Variants in GALNTL6 observed in about 807,000 individuals in gnomAD.
GALNTL6 encodes polypeptide N-acetylgalactosaminyltransferase-like 6.
Under a neutral mutation model 73.7 loss-of-function variants are expected in GALNTL6, and 46 were observed. The observed-to-expected ratio is 0.62, with a 90% CI of 0.49 to 0.80. The LOEUF is 0.80. GALNTL6 is among the 30% of genes least tolerant of loss of function. GALNTL6 has a pLI of 0.00. For missense variants in GALNTL6, 604 were observed against 755.0 expected (o/e 0.80, Z 2.34); for synonymous variants, 259 against 263.7 (o/e 0.98, Z 0.17).
intron 2 of GALNTL6, among the ~76,000 whole-genome samples, chr4:171,903,800 A>G (rs1291729870): frequency 6.6e-6 from 1 of 152,036 alleles, no homozygotes; most frequent in African/African-American, 2.4e-5. Flanking sequence ...GAGATCTGAG[A>G]ACGGGCAGAC....
chr4:172,102,058 A>C (rs988781833), intron 2 of GALNTL6, among the ~76,000 whole-genome samples: 11 of 152,282 alleles, frequency 7.2e-5, no homozygotes, highest in Middle Eastern at 3.4e-3. Flanking sequence ...AAGGTGAAAA[A>C]AAGTCCTGAC....
At chr4:172,193,439 G>A (rs1446641923) in intron 2 of GALNTL6, among the ~76,000 whole-genome samples, 1 of 152,118 alleles carries the variant, frequency 6.6e-6, no homozygotes, top group Non-Finnish European at 1.5e-5. Context: ...TGGCAAAGAA[G>A]GGCCTTACTG....
intron 8 of GALNTL6, among the ~76,000 whole-genome samples, chr4:172,918,212 G>C (rs1344574212): frequency 1.3e-5 from 2 of 152,004 alleles, no homozygotes; most frequent in Non-Finnish European, 2.9e-5. Flanking sequence ...ACACAGAGTG[G>C]GGAACATCAC....
intron 7 of GALNTL6, among the ~76,000 whole-genome samples, chr4:172,877,710 A>G (rs1579599268): frequency 6.6e-6 from 1 of 151,852 alleles, no homozygotes; most frequent in Middle Eastern, 3.4e-3. Flanking sequence ...CAGAAAAGTC[A>G]TGTATTTCTA....
At chr4:171,859,280 T>C (rs1311102175) in intron 2 of GALNTL6, among the ~76,000 whole-genome samples, 13 of 152,206 alleles carry the variant, frequency 8.5e-5, no homozygotes, top group African/African-American at 3.1e-4. Context: ...GTTCATAATA[T>C]GCTTATTGTG....
intron 2 of GALNTL6, among the ~76,000 whole-genome samples, chr4:171,854,166 TA>T (rs1396243700): frequency 6.6e-6 from 1 of 152,164 alleles, no homozygotes; most frequent in Non-Finnish European, 1.5e-5. Flanking sequence ...TGATGCTGCC[TA>T]GCACAGGGAA....
intron 5 of GALNTL6, among the ~76,000 whole-genome samples, chr4:172,718,450 A>C (rs571073474): frequency 4.6e-5 from 7 of 152,176 alleles, no homozygotes; most frequent in Non-Finnish European, 1.0e-4. Context: ...TGGGTAACAC[A>C]GGGAGACCCT....
chr4:172,228,535 G>T (rs1256297588), intron 2 of GALNTL6, among the ~76,000 whole-genome samples: 1 of 151,974 alleles, frequency 6.6e-6, no homozygotes, highest in Non-Finnish European at 1.5e-5. Context: ...AAGCATAATG[G>T]CTGTATTATC....
At chr4:172,951,954 CT>C (rs1227291481) in intron 9 of GALNTL6, 82 bp from the exon 10 acceptor site, 1 of 1,197,336 alleles carries the variant, frequency 8.4e-7, no homozygotes, top group African/African-American at 1.5e-5. Flanking sequence ...TTTTCCTTTT[CT>C]TTTTTCAATT....
chr4:171,962,049 A>G (rs1023030056), intron 2 of GALNTL6, among the ~76,000 whole-genome samples: 2 of 152,148 alleles, frequency 1.3e-5, no homozygotes, highest in Non-Finnish European at 2.9e-5. Flanking sequence ...TTATGAGGGG[A>G]CTTTGACATA....
At chr4:172,083,017 T>G in intron 2 of GALNTL6, among the ~76,000 whole-genome samples, 1 of 152,212 alleles carries the variant, frequency 6.6e-6, no homozygotes, top group Non-Finnish European at 1.5e-5. Context: ...ATCTTCTTCC[T>G]CTCAGCTCAT....
intron 5 of GALNTL6, among the ~76,000 whole-genome samples, chr4:172,780,211 T>G (rs1196402867): frequency 1.3e-5 from 2 of 152,170 alleles, no homozygotes. Flanking sequence ...TCCTTTAAAC[T>G]GAAATAACAT....
At chr4:172,036,585 A>G (rs953108412) in intron 2 of GALNTL6, among the ~76,000 whole-genome samples, 1 of 152,150 alleles carries the variant, frequency 6.6e-6, no homozygotes, top group East Asian at 1.9e-4. Flanking sequence ...CTTTGTATGT[A>G]TTAGTTCAAT....
intron 11 of GALNTL6, among the ~76,000 whole-genome samples, chr4:173,010,522 T>C (rs768433085): frequency 1.3e-4 from 20 of 152,198 alleles, no homozygotes; most frequent in Non-Finnish European, 2.5e-4. Context: ...CTTTTGGGTA[T>C]ACACCCAGCA....
At chr4:172,400,566 A>G (rs1322445006) in intron 5 of GALNTL6, among the ~76,000 whole-genome samples, 1 of 152,156 alleles carries the variant, frequency 6.6e-6, no homozygotes, top group Non-Finnish European at 1.5e-5. Context: ...GAGTTGAAAG[A>G]CTTTACACGA....
chr4:171,888,327 C>T (rs1299438034), intron 2 of GALNTL6, among the ~76,000 whole-genome samples: 3 of 150,194 alleles, frequency 2.0e-5, no homozygotes, highest in African/African-American at 7.4e-5. Flanking sequence ...AGTTCAGCAA[C>T]AGTGATAGCT....
chr4:173,010,085 ACTAGGT>A (rs1752478720), intron 11 of GALNTL6, among the ~76,000 whole-genome samples: 1 of 152,138 alleles, frequency 6.6e-6, no homozygotes, highest in African/African-American at 2.4e-5. Context: ...GCTATCAAAT[ACTAGGT>A]CTTTTTCATT....
At chr4:172,522,023 T>C (rs537197402) in intron 5 of GALNTL6, among the ~76,000 whole-genome samples, 1 of 152,308 alleles carries the variant, frequency 6.6e-6, no homozygotes, top group Non-Finnish European at 1.5e-5. Context: ...CATTTGTAAA[T>C]GCTATTTTAA....
chr4:171,935,584 C>A (rs1434556586), intron 2 of GALNTL6, among the ~76,000 whole-genome samples: 1 of 152,118 alleles, frequency 6.6e-6, no homozygotes, highest in African/African-American at 2.4e-5. Context: ...ATCCTCTTAC[C>A]TCAGCGTCCA....
Sources: gnomAD v4.1 joint callset for allele counts (sites outside exome capture counted in the v4.1 genomes callset) on GRCh38, gnomAD v4.1.1 for gene constraint, MANE v1.5 for transcripts, NCBI Gene and HGNC (gene_info 2026-07-23, HGNC 2026-07-21) for gene names.